The following WASHC4 variants were observed in gnomAD, a reference collection of about 807,000 sequenced individuals.
WASHC4 encodes the protein WASH complex subunit 7.
WASHC4 carries 86 observed loss-of-function variants against 166.6 expected under a neutral mutation model. The ratio of observed to expected loss-of-function variants is 0.52; its 90% CI spans 0.43 to 0.62. The LOEUF is 0.62. WASHC4 is among the 20% of genes least tolerant of loss of function. The pLI is 0.00. For missense variants in WASHC4, 1,262 were observed against 1,382.4 expected, an observed-to-expected ratio of 0.91 and a Z score of 1.38; for synonymous variants, 446 against 451.6, an observed-to-expected ratio of 0.99 and a Z score of 0.16.
chr12:105,110,048 G>T (rs928884311), intron 1 of WASHC4, among the ~76,000 whole-genome samples: 3 of 152,168 alleles, frequency 2.0e-5, no homozygotes, highest in Non-Finnish European at 4.4e-5. Flanking sequence ...ACCTCCCTGT[G>T]CTTGGCGTTC....
At chr12:105,140,844 C>G in intron 16 of WASHC4, 55 bp from the exon 17 acceptor site, 2 of 1,543,076 alleles carry the variant, frequency 1.3e-6, no homozygotes, top group Non-Finnish European at 1.8e-6. Context: ...AGTTTTTCTT[C>G]TGAGTCTTTT....
intron 13 of WASHC4, among the ~76,000 whole-genome samples, chr12:105,127,815 TC>T (rs1485168869): frequency 6.6e-6 from 1 of 152,200 alleles, no homozygotes; most frequent in Non-Finnish European, 1.5e-5. Context: ...CACTTTTAAC[TC>T]TTTGTTTCTT....
chr12:105,134,994 A>G (rs1018970126), intron 14 of WASHC4, among the ~76,000 whole-genome samples: 1 of 151,720 alleles, frequency 6.6e-6, no homozygotes, highest in African/African-American at 2.4e-5. Flanking sequence ...CGGTCACTCT[A>G]GACATTTTAA....
intron 15 of WASHC4, among the ~76,000 whole-genome samples, chr12:105,139,425 G>GTGTGTGTGTGTGTGTATATATATA: frequency 5.6e-4 from 58 of 103,202 alleles, no homozygotes; most frequent in East Asian, 1.4e-3. Flanking sequence ...ATGTGTGTGT[G>GTGTGTGTGTGTGTGTATATATATA]TATATATATA....
intron 24 of WASHC4, chr12:105,148,774 A>G (rs1883509495): frequency 1.0e-6 from 1 of 985,408 alleles, no homozygotes; most frequent in East Asian, 1.1e-4. Flanking sequence ...GTGGGGTTGG[A>G]AATGAATTTA....
At chr12:105,108,782 T>C (rs1565987288) in intron 1 of WASHC4, among the ~76,000 whole-genome samples, 1 of 152,196 alleles carries the variant, frequency 6.6e-6, no homozygotes, top group Non-Finnish European at 1.5e-5. Context: ...GGAACGTTGC[T>C]TTTAAAAATT....
chr12:105,160,155 A>AT lies in WASHC4; in HGVS notation c.3060+10dup. 1.9e-6 allele frequency: 3 copies of AT among 1,610,618 alleles called. No individual in the cohort carries two copies. In the South Asian group the frequency reaches 3.3e-5, roughly 18 times the overall value. ...TATAATTGTTCCCCCTCTGGTGAGT[A>AT]TTTCCAGAACCTAAAATGAATTTTT... On this transcript the variant is annotated splice_region_variant and intron_variant, in intron 29 of 32. Coordinates refer to ENST00000332180, the MANE Select transcript of WASHC4 (RefSeq NM_015275.3).
chr12:105,130,030 A>G (rs1881656787), intron 13 of WASHC4, among the ~76,000 whole-genome samples: 1 of 152,210 alleles, frequency 6.6e-6, no homozygotes, highest in Non-Finnish European at 1.5e-5. Flanking sequence ...AGAAAATTGT[A>G]TGAGGTAGAT....
chr12:105,136,686 C>T (rs1882352953), intron 14 of WASHC4, among the ~76,000 whole-genome samples: 1 of 152,044 alleles, frequency 6.6e-6, no homozygotes, highest in African/African-American at 2.4e-5. Context: ...TTAATTTTTC[C>T]CAGGGCTGCA....
intron 25 of WASHC4, among the ~76,000 whole-genome samples, chr12:105,151,016 T>G (rs1402810528): frequency 3.5e-5 from 5 of 143,080 alleles, no homozygotes; most frequent in Admixed American, 2.7e-4. Context: ...AGATGAGATT[T>G]GGGTGGGGAC....
At chr12:105,140,714 C>T (rs956823546) in intron 16 of WASHC4, among the ~76,000 whole-genome samples, 185 bp from the exon 17 acceptor site, 1 of 152,098 alleles carries the variant, frequency 6.6e-6, no homozygotes, top group Non-Finnish European at 1.5e-5. Flanking sequence ...AATACATTTG[C>T]TGTTTCTGAC....
At position 105,137,790 on chromosome 12, in the gene WASHC4, G is replaced by A. The variant is rs1882448752; in HGVS notation, c.1327-96G>A. The A allele has an allele frequency of 3.9e-6, 4 of 1,013,610 alleles. No homozygotes were observed. The African/African-American group carries it at 4.8e-5, about 12-fold the overall frequency. 62.8% of individuals were successfully genotyped at this position (1,013,610 alleles called of 1,614,324 possible). A position where few individuals can be genotyped will look rare whatever the true frequency, so the allele number is the denominator to read the frequency against. On this transcript the variant is annotated intron_variant, in intron 14 of 32. Coordinates refer to ENST00000332180, the MANE Select transcript of WASHC4 (RefSeq NM_015275.3). ...TTTAAGATGAACTTTAGAAACATTA[G>A]TTATTGGTAAGTTGAGGAATAGCTG...
At chr12:105,145,251 A>C (rs1331038737) in intron 22 of WASHC4, among the ~76,000 whole-genome samples, 1 of 151,998 alleles carries the variant, frequency 6.6e-6, no homozygotes, top group African/African-American at 2.4e-5. Flanking sequence ...TATCTTAGGA[A>C]AAATGGTTAA....
At position 105,140,955 on chromosome 12, in the gene WASHC4, T is replaced by C. The variant is rs776945157; in HGVS notation, c.1617T>C (p.Ala539=). 9 of 1,614,024 alleles carry C rather than the reference T, an allele frequency of 5.6e-6. No individual in the cohort carries two copies. The highest frequency in any genetic ancestry group is 7.6e-6 in the Non-Finnish European group (9 of 1,180,004). The part of the protein sequence containing the change: ...YSEQRLDVLS[A]LVLAENTLNG... ...AACAGCGTCTTGATGTGCTCTCTGC[T>C]CTAGTTTTGGCTGAAAACACTCTAA... Residue 539 remains alanine, a synonymous_variant, in exon 17 of 33, where the codon GCT becomes GCC. Coordinates refer to ENST00000332180, the MANE Select transcript of WASHC4 (RefSeq NM_015275.3).
chr12:105,110,478 A>G (rs1011649156), intron 1 of WASHC4, among the ~76,000 whole-genome samples: 3 of 152,182 alleles, frequency 2.0e-5, no homozygotes, highest in Non-Finnish European at 2.9e-5. Flanking sequence ...GTTACCTATG[A>G]ATGTGTTAAT....
chr12:105,166,832 ATATCCAT>A (rs1306774095), intron 32 of WASHC4, 25 bp from the exon 33 acceptor site: 3 of 1,424,282 alleles, frequency 2.1e-6, no homozygotes, highest in Non-Finnish European at 3.0e-6. Flanking sequence ...ATGAACATAA[ATATCCAT>A]TATTATTTTC....
At chr12:105,159,268 TA>T (rs1321448285) in intron 28 of WASHC4, among the ~76,000 whole-genome samples, 1 of 152,210 alleles carries the variant, frequency 6.6e-6, no homozygotes, top group Non-Finnish European at 1.5e-5. Context: ...ATCTCTAGGG[TA>T]AAGCTGACTG....
intron 2 of WASHC4, among the ~76,000 whole-genome samples, chr12:105,111,613 A>G (rs887724244): frequency 1.3e-5 from 2 of 152,194 alleles, no homozygotes; most frequent in Admixed American, 1.3e-4. Context: ...AGTGAAATGC[A>G]GATACTCTTA....
At chr12:105,127,874 CTTA>C (rs1262588360) in intron 13 of WASHC4, among the ~76,000 whole-genome samples, 1 of 151,868 alleles carries the variant, frequency 6.6e-6, no homozygotes, top group Admixed American at 6.6e-5. Context: ...TTTTTTATCT[CTTA>C]TTGTGTAAAT....
Sources: allele counts gnomAD v4.1 joint callset (sites outside exome capture counted in the v4.1 genomes callset), GRCh38; gene constraint gnomAD v4.1.1; transcripts MANE v1.5; gene names NCBI Gene and HGNC (gene_info 2026-07-23, HGNC 2026-07-21).